Variants in EXOC4 observed in about 807,000 individuals in gnomAD.
The protein encoded by EXOC4 is exocyst complex component 4, also known as SEC8-like 1.
Under a neutral mutation model 107.2 loss-of-function variants are expected in EXOC4, and 71 were observed. The ratio of observed to expected loss-of-function variants is 0.66; its 90% CI spans 0.55 to 0.81. The LOEUF is 0.81. Among genes scored for constraint, EXOC4 ranks in the 30% least tolerant of loss-of-function variants. The pLI is 0.00. For missense variants in EXOC4, 1,108 were observed against 1,189.6 expected (o/e 0.93, Z 1.01); for synonymous variants, 456 against 441.2 (o/e 1.03, Z -0.42).
At chr7:134,041,628 ATT>A (rs2116530139) in intron 17 of EXOC4, among the ~76,000 whole-genome samples, 1 of 152,292 alleles carries the variant, frequency 6.6e-6, no homozygotes, top group Admixed American at 6.5e-5. Context: ...ATCTATATAA[ATT>A]TAATTAGGCT....
At chr7:134,061,075 A>T (rs568469920) in intron 17 of EXOC4, among the ~76,000 whole-genome samples, 1 of 152,278 alleles carries the variant, frequency 6.6e-6, no homozygotes, top group East Asian at 1.9e-4. Flanking sequence ...TTTATCACTC[A>T]TCACACTGTG....
At chr7:133,963,299 G>A (rs1179400993) in intron 14 of EXOC4, among the ~76,000 whole-genome samples, 1 of 152,236 alleles carries the variant, frequency 6.6e-6, no homozygotes, top group Non-Finnish European at 1.5e-5. Context: ...TAAAAACTCA[G>A]TGAATGCTTT....
chr7:133,870,242 A>G (rs114183395), intron 11 of EXOC4, among the ~76,000 whole-genome samples: 1 of 152,166 alleles, frequency 6.6e-6, no homozygotes, highest in Non-Finnish European at 1.5e-5. Flanking sequence ...TCTCACACAC[A>G]TCTCCCTACC....
chr7:133,352,071 A>G (rs903549577), intron 5 of EXOC4, among the ~76,000 whole-genome samples: 1 of 152,008 alleles, frequency 6.6e-6, no homozygotes, highest in Non-Finnish European at 1.5e-5. Context: ...ACTTAAATCT[A>G]TTGAGACTTA....
intron 10 of EXOC4, among the ~76,000 whole-genome samples, chr7:133,801,372 A>G (rs2151195683): frequency 6.6e-6 from 1 of 152,322 alleles, no homozygotes; most frequent in East Asian, 1.9e-4. Flanking sequence ...ATTAATAAAT[A>G]TTTCACTGGG....
At chr7:133,804,473 GGTGGTT>G (rs1305998237) in intron 10 of EXOC4, among the ~76,000 whole-genome samples, 1 of 152,092 alleles carries the variant, frequency 6.6e-6, no homozygotes, top group Non-Finnish European at 1.5e-5. Flanking sequence ...CAGCAATAAG[GGTGGTT>G]GCCAGATAGG....
chr7:133,263,042 G>A (rs1440836056), intron 1 of EXOC4, among the ~76,000 whole-genome samples: 2 of 152,158 alleles, frequency 1.3e-5, no homozygotes, highest in Admixed American at 1.3e-4. Flanking sequence ...GCTCTCTCTT[G>A]CCTGCTGCCA....
chr7:134,079,937 C>T, the EXOC4 span, among the ~76,000 whole-genome samples: 1 of 152,182 alleles, frequency 6.6e-6, no homozygotes, highest in Non-Finnish European at 1.5e-5. Context: ...AACAGGCTCC[C>T]TCTCCAAGGA....
At chr7:133,474,456 C>G in intron 7 of EXOC4, among the ~76,000 whole-genome samples, 1 of 151,446 alleles carries the variant, frequency 6.6e-6, no homozygotes, top group East Asian at 1.9e-4. Flanking sequence ...TACAGGTGTG[C>G]ACCATCATGC....
intron 17 of EXOC4, among the ~76,000 whole-genome samples, chr7:134,021,284 T>C (rs1010580026): frequency 6.6e-6 from 1 of 152,188 alleles, no homozygotes; most frequent in African/African-American, 2.4e-5. Flanking sequence ...GATGAATTAA[T>C]GAGGAAGGAA....
chr7:133,791,463 G>T (rs1382253189), intron 10 of EXOC4, among the ~76,000 whole-genome samples: 2 of 152,306 alleles, frequency 1.3e-5, no homozygotes, highest in African/African-American at 2.4e-5. Context: ...TTTAATATTT[G>T]TTGGTTGGAT....
At chr7:133,719,904 A>AGGAT (rs111740110) in intron 10 of EXOC4, among the ~76,000 whole-genome samples, 15,565 of 151,912 alleles carry the variant, frequency 0.1, 860 homozygotes, top group Middle Eastern at 0.15. Flanking sequence ...TTCTCAGGAA[A>AGGAT]GGATGGATGG....
chr7:133,961,102 G>A (rs1563072383), intron 14 of EXOC4, among the ~76,000 whole-genome samples: 1 of 152,040 alleles, frequency 6.6e-6, no homozygotes. Flanking sequence ...CTTAAAAGTG[G>A]AATAGGGAGA....
chr7:133,971,361 T>C lies in EXOC4; in HGVS notation c.2207-26131T>C, dbSNP rs2953627. On this transcript the variant is annotated intron_variant, in intron 14 of 17. Coordinates refer to ENST00000253861, the MANE Select transcript of EXOC4 (RefSeq NM_021807.4). ...ATATATATATATATATATATATATATAGAGAGAGAGAGAGAGAGAGAGAGA... is the reference window on the plus strand; with the variant it reads ...ATATATATATATATATATATATATACAGAGAGAGAGAGAGAGAGAGAGAGA... 4.3e-4 allele frequency among the ~76,000 whole-genome samples: 32 copies of C among 75,090 alleles called. 1 individual carries two copies. Among genetic ancestry groups the C allele is most frequent in the Non-Finnish European group, 1.2e-4 (5 of 41,796 alleles). The allele number at this position is 75,090 out of a possible 152,430, so 49.3% of individuals were successfully genotyped here.
chr7:133,335,196 A>T (rs1410042781), intron 5 of EXOC4, among the ~76,000 whole-genome samples: 1 of 152,178 alleles, frequency 6.6e-6, no homozygotes, highest in Non-Finnish European at 1.5e-5. Flanking sequence ...ATAGCTTAAA[A>T]ATTTTTTTTA....
intron 11 of EXOC4, among the ~76,000 whole-genome samples, chr7:133,825,022 T>C (rs990191769): frequency 6.6e-6 from 1 of 152,098 alleles, no homozygotes; most frequent in Non-Finnish European, 1.5e-5. Context: ...TGCTATGTTT[T>C]CCTTGACGAC....
At chr7:133,465,066 C>T (rs965964070) in intron 7 of EXOC4, among the ~76,000 whole-genome samples, 29 of 151,940 alleles carry the variant, frequency 1.9e-4, no homozygotes, top group African/African-American at 5.8e-4. Flanking sequence ...GCAATCCTCC[C>T]ACCTTGGCCT....
At chr7:133,314,122 C>T (rs937255396) in intron 4 of EXOC4, among the ~76,000 whole-genome samples, 2 of 152,008 alleles carry the variant, frequency 1.3e-5, no homozygotes, top group Non-Finnish European at 2.9e-5. Context: ...TAATCAATCC[C>T]TTCTCAGCTT....
intron 7 of EXOC4, among the ~76,000 whole-genome samples, chr7:133,412,278 G>GTTTTTTTTTTTTT (rs35334259): frequency 1.1e-4 from 8 of 71,482 alleles, no homozygotes; most frequent in African/African-American, 2.7e-4. Context: ...TCAGAATTCA[G>GTTTTTTTTTTTTT]TTTTTTTTTT....
Sources: allele counts gnomAD v4.1 joint callset (sites outside exome capture counted in the v4.1 genomes callset), GRCh38; gene constraint gnomAD v4.1.1; transcripts MANE v1.5; gene names NCBI Gene and HGNC (gene_info 2026-07-23, HGNC 2026-07-21).